The following DNAJB14 variants were observed in gnomAD, a reference collection of about 807,000 sequenced individuals.
The protein encoded by DNAJB14 is DnaJ heat shock protein family (Hsp40) member B14.
DNAJB14 carries 22 observed loss-of-function variants against 48.4 expected under a neutral mutation model. The ratio of observed to expected loss-of-function variants is 0.45; its 90% CI spans 0.32 to 0.65. DNAJB14 has a LOEUF of 0.65. Ranked by LOEUF, DNAJB14 falls within the 30% of genes least tolerant of loss-of-function variation. The pLI, the probability that DNAJB14 is intolerant of heterozygous loss-of-function variation, is 0.03. For missense variants in DNAJB14, 319 were observed against 458.8 expected (o/e 0.70, Z 2.78); for synonymous variants, 142 against 158.7 (o/e 0.89, Z 0.79).
intron 5 of DNAJB14, 124 bp from the exon 6 acceptor site, chr4:99,905,830 C>G: frequency 7.9e-7 from 1 of 1,267,058 alleles, no homozygotes; most frequent in Non-Finnish European, 1.1e-6. Flanking sequence ...GCTTTCAAAT[C>G]TGCGTAACCA....
rs1056636098 is a variant in DNAJB14 at position 99,898,713 on chromosome 4, A to G, written c.*2315T>C. On this transcript the variant is annotated 3_prime_UTR_variant, in exon 8 of 8. Coordinates refer to ENST00000442697, the MANE Select transcript of DNAJB14 (RefSeq NM_001031723.4). The stretch of plus-strand genomic sequence containing the variant: ...AAAGATTGAGGACTTTTAGGTGGTC[A>G]TTAGAATGAGCCGATGAAATTGCGA... 1 of 151,952 alleles carries G rather than the reference A, an allele frequency of 6.6e-6. No individual in the cohort carries two copies. The highest frequency in any genetic ancestry group is 1.5e-5 in the Non-Finnish European group (1 of 67,810). The allele number at this position is 151,952 out of a possible 1,614,324, so 9.4% of individuals were successfully genotyped here.
Position 99,908,872 on chromosome 4 carries a change from A to C in DNAJB14, c.476T>G (p.Leu159Ter). 1 of 1,588,188 alleles carries C rather than the reference A, an allele frequency of 6.3e-7. No individual in the cohort carries two copies. Among genetic ancestry groups the C allele is most frequent in the Non-Finnish European group, 8.5e-7 (1 of 1,170,060 alleles). Residue 159 changes from leucine (L) to a stop codon, truncating the protein, a stop_gained, in exon 4 of 8, where the codon TTA (leucine) becomes TGA (stop). Coordinates refer to ENST00000442697, the MANE Select transcript of DNAJB14 (RefSeq NM_001031723.4). LOFTEE classifies it high-confidence loss of function. ...CTGTTTTCGCTTTTCTGGATTACTT[A>C]AAACAGCATAAGCATTTCCAATCTC... ...FKKIGNAYAV[L>*]SNPEKRKQYD...
At chr4:99,932,675 A>G (rs565685486) in intron 1 of DNAJB14, among the ~76,000 whole-genome samples, 4 of 152,352 alleles carry the variant, frequency 2.6e-5, no homozygotes, top group Admixed American at 2.6e-4. Context: ...GAAATGATAT[A>G]CAAAAACTGA....
chr4:99,930,851 A>G (rs62306063), intron 1 of DNAJB14, among the ~76,000 whole-genome samples: 6,908 of 152,318 alleles, frequency 0.045, 227 homozygotes, highest in Middle Eastern at 0.12. Context: ...GATTATAATC[A>G]TTCAATTATT....
At chr4:99,946,321 C>T in intron 1 of DNAJB14, 118 bp downstream of exon 1, 3 of 1,473,230 alleles carry the variant, frequency 2.0e-6, no homozygotes, top group Non-Finnish European at 2.7e-6. Context: ...GGGGCTGGGG[C>T]TGGCTCAGAC....
intron 4 of DNAJB14, among the ~76,000 whole-genome samples, chr4:99,908,261 TG>T (rs1725535601): frequency 6.6e-6 from 1 of 152,166 alleles, no homozygotes; most frequent in South Asian, 2.1e-4. Context: ...GATTTTCTAC[TG>T]TTTAAATGGA....
In DNAJB14 at chr4:99,930,548, A is replaced by G; in HGVS notation, c.207T>C (p.Ser69=). 2 of 1,613,234 alleles carry G rather than the reference A, an allele frequency of 1.2e-6. No homozygotes were observed. The highest frequency in any genetic ancestry group is 1.7e-6 in the Non-Finnish European group (2 of 1,179,520). The change falls in exon 2 of 8, where the codon AGT becomes AGC. Residue 69 remains serine (S), a synonymous_variant. Transcript: ENST00000442697. ...NSPHCRKPSG[S]GDQSKPNCTK... ...TGCAATTAGGCTTGCTTTGATCGCC[A>G]CTACCTGATGGTTTTCGGCAATGAG...
chr4:99,907,051 G>A (rs1253188377), intron 4 of DNAJB14, among the ~76,000 whole-genome samples: 1 of 152,106 alleles, frequency 6.6e-6, no homozygotes, highest in Non-Finnish European at 1.5e-5. Context: ...TCTTGGTATA[G>A]ATGGACCAGA....
chr4:99,916,588 C>G (rs1474964376), intron 3 of DNAJB14, among the ~76,000 whole-genome samples: 3 of 151,918 alleles, frequency 2.0e-5, no homozygotes, highest in African/African-American at 7.3e-5. Flanking sequence ...TTTCTTTTTC[C>G]TGACATCCTG....
chr4:99,934,194 G>C (rs1262478775), intron 1 of DNAJB14, among the ~76,000 whole-genome samples: 2 of 152,098 alleles, frequency 1.3e-5, no homozygotes, highest in Non-Finnish European at 2.9e-5. Flanking sequence ...TAAAAGTAGG[G>C]AAGGATAAAG....
chr4:99,931,283 T>G (rs549433219), intron 1 of DNAJB14, among the ~76,000 whole-genome samples: 1 of 152,282 alleles, frequency 6.6e-6, no homozygotes, highest in Non-Finnish European at 1.5e-5. Context: ...AAATAATTCT[T>G]ATCAAGGATT....
intron 3 of DNAJB14, among the ~76,000 whole-genome samples, chr4:99,922,310 G>A (rs750476817): frequency 1.3e-5 from 2 of 152,030 alleles, no homozygotes; most frequent in Non-Finnish European, 2.9e-5. Flanking sequence ...CCCCACCATT[G>A]TACTGTAAAC....
chr4:99,937,908 C>T (rs1726736273), intron 1 of DNAJB14, among the ~76,000 whole-genome samples: 1 of 144,572 alleles, frequency 6.9e-6, no homozygotes, highest in Non-Finnish European at 1.5e-5. Flanking sequence ...CAGTGAAACC[C>T]TGTCTCTATT....
intron 1 of DNAJB14, among the ~76,000 whole-genome samples, chr4:99,937,669 C>T (rs1292878347): frequency 6.6e-6 from 1 of 151,034 alleles, no homozygotes; most frequent in Non-Finnish European, 1.5e-5. Context: ...TAGGTTGCAG[C>T]GAGCCACGAT....
intron 3 of DNAJB14, among the ~76,000 whole-genome samples, chr4:99,921,735 C>G (rs1399663131): frequency 3.3e-5 from 5 of 152,078 alleles, no homozygotes; most frequent in African/African-American, 1.2e-4. Flanking sequence ...GTTACTTTTT[C>G]TGGTAACTCT....
chr4:99,901,383 T>G (rs996230355), intron 7 of DNAJB14, among the ~76,000 whole-genome samples: 2 of 152,152 alleles, frequency 1.3e-5, no homozygotes, highest in African/African-American at 4.8e-5. Context: ...GATAGAATCC[T>G]GTCAACTCAC....
At chr4:99,912,724 C>T (rs1162933667) in intron 3 of DNAJB14, among the ~76,000 whole-genome samples, 1 of 152,236 alleles carries the variant, frequency 6.6e-6, no homozygotes, top group East Asian at 1.9e-4. Context: ...GGTGATCTGC[C>T]CACCTCGGCC....
intron 1 of DNAJB14, among the ~76,000 whole-genome samples, chr4:99,932,721 CA>C (rs1451613814): frequency 6.6e-6 from 1 of 151,924 alleles, no homozygotes; most frequent in Non-Finnish European, 1.5e-5. Flanking sequence ...TTCACAATGG[CA>C]AAAAGATACA....
chr4:99,908,681 A>AATATAATATCTATAATT, intron 4 of DNAJB14, 30 bp downstream of exon 4: 1 of 1,482,368 alleles, frequency 6.7e-7, no homozygotes. Context: ...AGCTTCATAA[A>AATATAATATCTATAATT]ATATAATATC....
Sources: allele counts gnomAD v4.1 joint callset (sites outside exome capture counted in the v4.1 genomes callset), GRCh38; gene constraint gnomAD v4.1.1; transcripts MANE v1.5; gene names NCBI Gene and HGNC (gene_info 2026-07-23, HGNC 2026-07-21).